The following HMCN1 variants were observed in gnomAD, a reference collection of about 807,000 sequenced individuals.
HMCN1 encodes hemicentin 1.
HMCN1 carries 321 observed loss-of-function variants against 625.9 expected under a neutral mutation model. The ratio of observed to expected loss-of-function variants is 0.51; its 90% confidence interval spans 0.47 to 0.56. The LOEUF (loss-of-function observed/expected upper bound fraction) is 0.56. HMCN1 is among the 20% of genes least tolerant of loss of function. The probability of loss-of-function intolerance (pLI) is 0.00; values close to 1 mark genes in which losing one functional copy is unlikely to be tolerated. For missense variants in HMCN1, 6,588 were observed against 6,887.3 expected (o/e 0.96, Z 1.54); for synonymous variants, 2,425 against 2,417.6 (o/e 1.00, Z -0.09).
At position 186,098,071 on chromosome 1, in the gene HMCN1, A is replaced by T. The variant is rs1660218691; in HGVS notation, c.10573+2550A>T. Among the ~76,000 whole-genome samples, 3 of 152,168 alleles carry T rather than the reference A, an allele frequency of 2.0e-5. No individual in the cohort carries two copies. The South Asian group carries it at 6.2e-4, about 31-fold the overall frequency. On this transcript the variant is annotated intron_variant, in intron 68 of 106. Transcript: ENST00000271588. ...TCAACTCAAAATGGATTAAAGAGTT[A>T]AATGTAAGATCCCAAACTACGAAAC... is the stretch of plus-strand genomic sequence containing the variant.
At chr1:185,744,836 T>A (rs934508690) in intron 1 of HMCN1, among the ~76,000 whole-genome samples, 3 of 152,160 alleles carry the variant, frequency 2.0e-5, no homozygotes, top group Admixed American at 1.3e-4. Context: ...CCTGGAAGGA[T>A]TATAAGTAAG....
chr1:185,990,504 G>T, intron 22 of HMCN1, 61 bp downstream of exon 22: 1 of 1,415,428 alleles, frequency 7.1e-7, no homozygotes, highest in Non-Finnish European at 1.0e-6. Flanking sequence ...GGGACAGATG[G>T]CCATGCCTAT....
intron 25 of HMCN1, among the ~76,000 whole-genome samples, chr1:185,999,170 T>C (rs777543424): frequency 2.6e-5 from 4 of 152,034 alleles, no homozygotes; most frequent in Non-Finnish European, 4.4e-5. Context: ...CTTTTAATAT[T>C]TTACTGTCAT....
intron 105 of HMCN1, among the ~76,000 whole-genome samples, chr1:186,187,069 G>T (rs1653373908): frequency 6.7e-6 from 1 of 148,954 alleles, no homozygotes; most frequent in Non-Finnish European, 1.5e-5. Context: ...CAGATCCCCT[G>T]ATGCCCAAAA....
chr1:186,165,404 G>A (rs950398962), intron 98 of HMCN1, among the ~76,000 whole-genome samples: 3 of 152,214 alleles, frequency 2.0e-5, no homozygotes, highest in African/African-American at 7.2e-5. Context: ...CAAAGCCCAT[G>A]TTCTCTGAAT....
At chr1:185,899,555 T>G (rs1665688093) in intron 4 of HMCN1, among the ~76,000 whole-genome samples, 1 of 152,124 alleles carries the variant, frequency 6.6e-6, no homozygotes, top group South Asian at 2.1e-4. Context: ...TTCCCAGTTA[T>G]GTAAGCTTGA....
chr1:186,159,559 T>A (rs1372772641), intron 97 of HMCN1, among the ~76,000 whole-genome samples: 1 of 152,238 alleles, frequency 6.6e-6, no homozygotes, highest in Non-Finnish European at 1.5e-5. Flanking sequence ...TGTGGGTTTG[T>A]CATAGATAGC....
chr1:185,742,780 T>A (rs181518242), intron 1 of HMCN1, among the ~76,000 whole-genome samples: 1 of 152,318 alleles, frequency 6.6e-6, no homozygotes, highest in Admixed American at 6.5e-5. Context: ...TTTCTCAGGA[T>A]AATAAAATAT....
In HMCN1 at chr1:186,125,728, T is replaced by C. The variant is rs991245038; in HGVS notation, c.12624T>C (p.Leu4208=). ...PAINWKKDNV[L]LANLLGKYTA... is the part of the protein sequence containing the mutation. ...TTAACTGGAAAAAAGACAATGTTCTTTTAGCTAACTTGTTAGGAAAATACA... is the reference window on the plus strand; with the variant it reads ...TTAACTGGAAAAAAGACAATGTTCTCTTAGCTAACTTGTTAGGAAAATACA... Residue 4208 remains leucine, a synonymous_variant, in exon 82 of 107, where the codon CTT becomes CTC. Transcript: ENST00000271588. 2 of 1,613,430 alleles carry C rather than the reference T, an allele frequency of 1.2e-6. No individual in the cohort carries two copies. The highest frequency in any genetic ancestry group is 1.7e-6 in the Non-Finnish European group (2 of 1,179,492).
At chr1:186,039,987 G>A (rs1656101801) in intron 39 of HMCN1, 108 bp downstream of exon 39, 3 of 1,143,932 alleles carry the variant, frequency 2.6e-6, no homozygotes, top group African/African-American at 1.5e-5. Context: ...ATTAACAGAT[G>A]CTATTTTTTA....
At position 186,119,889 on chromosome 1, in the gene HMCN1, AC is replaced by A; in HGVS notation, c.12094+9del. 6.2e-7 allele frequency: 1 copy of A among 1,614,060 alleles called. No homozygotes were observed. The highest frequency in any genetic ancestry group is 1.7e-5 in the Admixed American group (1 of 60,016). On this transcript the variant is annotated splice_region_variant and intron_variant, in intron 79 of 106. Transcript: ENST00000271588. ...ATCAATGTTAACACTTCAGGTACCT[AC>A]CACTGTTTTTCTATCAAGAAAATCA... is the stretch of plus-strand genomic sequence containing the variant.
At chr1:186,161,713 G>C (rs1267453051) in intron 97 of HMCN1, among the ~76,000 whole-genome samples, 1 of 152,004 alleles carries the variant, frequency 6.6e-6, no homozygotes. Flanking sequence ...ATTCTGGGTT[G>C]AAAATTCTTT....
At chr1:186,064,162 A>T (rs1291849722) in intron 48 of HMCN1, among the ~76,000 whole-genome samples, 1 of 152,158 alleles carries the variant, frequency 6.6e-6, no homozygotes, top group Non-Finnish European at 1.5e-5. Flanking sequence ...AGTTGCATAG[A>T]CAAGCATTGC....
intron 1 of HMCN1, among the ~76,000 whole-genome samples, chr1:185,794,482 GAAAAAAAAGA>G (rs894822359): frequency 1.6e-4 from 21 of 129,284 alleles, no homozygotes; most frequent in East Asian, 8.7e-4. Context: ...GTCCAAAAAA[GAAAAAAAAGA>G]AAAAAAAAGA....
At chr1:185,976,096 G>A (rs563118806) in intron 15 of HMCN1, among the ~76,000 whole-genome samples, 1 of 152,280 alleles carries the variant, frequency 6.6e-6, no homozygotes, top group East Asian at 1.9e-4. Context: ...GGTTGAATGT[G>A]GTGATTGCTA....
intron 66 of HMCN1, among the ~76,000 whole-genome samples, chr1:186,094,062 T>A (rs955077835): frequency 1.3e-5 from 2 of 152,162 alleles, no homozygotes; most frequent in African/African-American, 4.8e-5. Context: ...TAAATTGTGC[T>A]ATATTTTCAG....
Position 186,001,393 on chromosome 1 carries a change from TC to T in HMCN1, c.4166del (p.Ser1389PhefsTer13), listed in dbSNP as rs779092603. 20 of 1,612,256 alleles carry T rather than the reference TC, an allele frequency of 1.2e-5. No homozygotes were observed. Among genetic ancestry groups the T allele is most frequent in the Non-Finnish European group, 1.7e-5 (20 of 1,178,734 alleles). On this transcript the variant is annotated frameshift_variant, in exon 27 of 107. Coordinates refer to ENST00000271588, the MANE Select transcript of HMCN1 (RefSeq NM_031935.3). LOFTEE classifies it high-confidence loss of function. Reference protein sequence around the residue: ...NLFCEVEGTPSPIIMWYKDNV... With the variant: ...NLFCEVEGTPXPIIMWYKDNV... ...CTTCTGTGAAGTGGAAGGCACTCCA[TC>T]TCCCATCATTATGTGGTATAAAGAT...
intron 31 of HMCN1, among the ~76,000 whole-genome samples, 153 bp from the exon 32 acceptor site, chr1:186,015,805 T>C (rs974784484): frequency 6.6e-6 from 1 of 152,098 alleles, no homozygotes; most frequent in African/African-American, 2.4e-5. Context: ...ACCAAGAAAT[T>C]CTTTCCTCAA....
At chr1:185,900,397 A>C (rs1415373461) in intron 4 of HMCN1, among the ~76,000 whole-genome samples, 1 of 152,002 alleles carries the variant, frequency 6.6e-6, no homozygotes, top group Non-Finnish European at 1.5e-5. Context: ...ATAAATCGAA[A>C]TGTCCTTTAT....
Sources: allele counts gnomAD v4.1 joint callset (sites outside exome capture counted in the v4.1 genomes callset), GRCh38; gene constraint gnomAD v4.1.1; transcripts MANE v1.5; gene names NCBI Gene and HGNC (gene_info 2026-07-23, HGNC 2026-07-21).